Variants in RAD52 observed in about 807,000 individuals in gnomAD.
RAD52 encodes the protein DNA repair protein RAD52 homolog.
A neutral mutation model predicts 55.5 loss-of-function variants in RAD52; 47 were observed. The ratio of observed to expected loss-of-function variants is 0.85; its 90% CI spans 0.67 to 1.08. RAD52 has a LOEUF of 1.08. Ranked by LOEUF, RAD52 falls within the 50% of genes least tolerant of loss-of-function variation. RAD52 has a pLI of 0.00. For synonymous variants in RAD52, 184 were observed against 198.9 expected (o/e 0.92, Z 0.63); for missense variants, 468 against 522.8 (o/e 0.90, Z 1.02).
At position 982,596 on chromosome 12, in the gene RAD52, C is replaced by A. The variant is rs143768441; in HGVS notation, c.-19+7213G>T. Among the ~76,000 whole-genome samples the A allele has an allele frequency of 6.3e-3, 958 of 151,866 alleles. 9 individuals carry two copies. Among genetic ancestry groups the A allele is most frequent in the Admixed American group, 0.011 (165 of 15,230 alleles). ...ATATGTTCCTAATTTCCGTCTGAGA[C>A]CTCCCCAGAATCACCTTTATTCCTT... is the stretch of plus-strand genomic sequence containing the variant. On this transcript the variant is annotated intron_variant, in intron 1 of 11. Transcript: ENST00000430095.
chr12:979,356 G>A (rs78083199), intron 1 of RAD52, among the ~76,000 whole-genome samples: 1 of 151,688 alleles, frequency 6.6e-6, no homozygotes, highest in East Asian at 1.9e-4. Flanking sequence ...CATAAGAATC[G>A]CTTGAACCTG....
At chr12:964,532 C>T (rs142447046) in intron 1 of RAD52, among the ~76,000 whole-genome samples, 2,570 of 152,044 alleles carry the variant, frequency 0.017, 97 homozygotes, top group Admixed American at 0.094. Context: ...CGTGCCACTG[C>T]GCTCCATCTC....
rs557817186 is a variant in RAD52 at position 971,897 on chromosome 12, C to T, written c.-19+17912G>A. On this transcript the variant is annotated intron_variant, in intron 1 of 11. Transcript: ENST00000430095. ...CCGAGTAGCTGGGACTACAGGCACC[C>T]GCTGCCTTGGCTGGCTAATTTTTTG... 1.3e-3 allele frequency among the ~76,000 whole-genome samples: 193 copies of T among 152,222 alleles called. 1 individual carries two copies. The highest frequency in any genetic ancestry group is 2.3e-3 in the Non-Finnish European group (159 of 68,014).
At chr12:947,613 G>A (rs1468805100) in intron 1 of RAD52, among the ~76,000 whole-genome samples, 7 of 149,716 alleles carry the variant, frequency 4.7e-5, no homozygotes, top group Non-Finnish European at 7.4e-5. Context: ...CCACCCAGGC[G>A]CGGTGGCTCA....
At chr12:966,833 T>A (rs1406787676) in intron 1 of RAD52, among the ~76,000 whole-genome samples, 1 of 152,030 alleles carries the variant, frequency 6.6e-6, no homozygotes, top group Non-Finnish European at 1.5e-5. Flanking sequence ...ATAAATAGCC[T>A]TTAAATAAGG....
rs527732197 is a variant in RAD52, at chr12:930,333, C to G, written c.187-189G>C. On this transcript the variant is annotated intron_variant, in intron 3 of 11. Coordinates refer to ENST00000358495, the MANE Select transcript of RAD52 (RefSeq NM_134424.4). ...GCTCAAGGCTGCAGTAAGCTAGGAT[C>G]GTGCCACTGCACTCCAGCCTAAGTG... 2.7e-4 allele frequency among the ~76,000 whole-genome samples: 41 copies of G among 150,596 alleles called. 1 individual carries two copies. In the South Asian group the frequency reaches 4.4e-3, roughly 16 times the overall value.
chr12:958,019 G>C (rs1958632308), intron 1 of RAD52, among the ~76,000 whole-genome samples: 1 of 152,208 alleles, frequency 6.6e-6, no homozygotes, highest in South Asian at 2.1e-4. Flanking sequence ...TGCAGGATCT[G>C]TTCTTCAGGA....
intron 1 of RAD52, among the ~76,000 whole-genome samples, chr12:980,641 G>A (rs1959002150): frequency 2.0e-5 from 3 of 146,448 alleles, no homozygotes; most frequent in South Asian, 2.2e-4. Flanking sequence ...TTGCTCTGTT[G>A]CCCAGGCTGG....
chr12:946,686 AC>A (rs567923776), intron 1 of RAD52, among the ~76,000 whole-genome samples: 168 of 152,352 alleles, frequency 1.1e-3, no homozygotes, highest in African/African-American at 3.6e-3. Context: ...ATACAAAAAA[AC>A]ATGGCACTAC....
intron 1 of RAD52, among the ~76,000 whole-genome samples, chr12:982,800 C>T (rs1041860346): frequency 4.0e-5 from 6 of 151,376 alleles, no homozygotes; most frequent in Non-Finnish European, 5.9e-5. Flanking sequence ...CACCCCCGCC[C>T]GCCCCTGCCC....
chr12:939,249 C>A (rs1392145654), intron 1 of RAD52, among the ~76,000 whole-genome samples: 1 of 152,058 alleles, frequency 6.6e-6, no homozygotes, highest in Non-Finnish European at 1.5e-5. Context: ...AACTCCTTGG[C>A]TCGTGATCTT....
In RAD52 at chr12:912,689, C is replaced by A; in HGVS notation, c.*702G>T. 7.1e-6 allele frequency: 1 copy of A among 140,960 alleles called. No individual in the cohort carries two copies. Among genetic ancestry groups the A allele is most frequent in the African/African-American group, 3.0e-5 (1 of 33,478 alleles). 8.7% of individuals were successfully genotyped at this position (140,960 alleles called of 1,614,324 possible). ...AGAGAGCTGTGTTTGCACCACTGAA[C>A]TCCAGTCAGGGCAACACAGCCAGAC... On this transcript the variant is annotated 3_prime_UTR_variant, in exon 12 of 12. Transcript: ENST00000358495.
At chr12:975,326 A>G (rs905953707) in intron 1 of RAD52, 1 of 152,162 alleles carries the variant, frequency 6.6e-6, no homozygotes, top group Non-Finnish European at 1.5e-5. Flanking sequence ...TTCTTGTTCA[A>G]CTACACAATA....
At chr12:919,630 A>T (rs111359153) in intron 7 of RAD52, among the ~76,000 whole-genome samples, 9,990 of 145,818 alleles carry the variant, frequency 0.069, 445 homozygotes, top group African/African-American at 0.083. Context: ...GGGCGCCTGT[A>T]GTCCCAGCTA....
intron 1 of RAD52, among the ~76,000 whole-genome samples, chr12:939,590 G>A (rs1223197890): frequency 6.6e-6 from 1 of 152,154 alleles, no homozygotes; most frequent in Admixed American, 6.5e-5. Context: ...CAACCAACCG[G>A]AGAAACAAAG....
intron 1 of RAD52, among the ~76,000 whole-genome samples, chr12:965,932 C>A (rs148892817): frequency 6.6e-6 from 1 of 151,934 alleles, no homozygotes; most frequent in Non-Finnish European, 1.5e-5. Context: ...GATCCTCCCG[C>A]CTTGGCCTCC....
intron 1 of RAD52, among the ~76,000 whole-genome samples, chr12:938,493 G>A (rs1351338254): frequency 2.6e-5 from 4 of 152,158 alleles, no homozygotes; most frequent in African/African-American, 9.7e-5. Flanking sequence ...GACCAGCCTG[G>A]CCAACATGGT....
At chr12:968,049 C>T (rs965463331) in intron 1 of RAD52, among the ~76,000 whole-genome samples, 9 of 152,062 alleles carry the variant, frequency 5.9e-5, no homozygotes, top group Non-Finnish European at 1.0e-4. Flanking sequence ...CCATTTCATT[C>T]CATGACATTA....
chr12:989,127 T>C (rs1236560120), intron 1 of RAD52, among the ~76,000 whole-genome samples: 1 of 152,170 alleles, frequency 6.6e-6, no homozygotes, highest in Non-Finnish European at 1.5e-5. Context: ...ATCTGAGATA[T>C]AGGGAGGGTT....
Sources: allele counts gnomAD v4.1 joint callset (sites outside exome capture counted in the v4.1 genomes callset), GRCh38; gene constraint gnomAD v4.1.1; transcripts MANE v1.5; gene names NCBI Gene and HGNC (gene_info 2026-07-23, HGNC 2026-07-21).